ZNF704: variants seen among roughly 807,000 people sequenced by gnomAD.
ZNF704 encodes the protein zinc finger protein 704, also known as glucocorticoid induced gene 1.
ZNF704 carries 10 observed loss-of-function variants against 44.7 expected under a neutral mutation model. The ratio of observed to expected loss-of-function variants is 0.22; its 90% CI spans 0.14 to 0.38. The LOEUF is 0.38. Ranked by LOEUF, ZNF704 falls within the 10% of genes least tolerant of loss-of-function variation. The pLI is 1.00. For missense variants in ZNF704, 390 were observed against 545.5 expected (o/e 0.71, Z 2.84); for synonymous variants, 211 against 207.6 (o/e 1.02, Z -0.14).
intron 1 of ZNF704, among the ~76,000 whole-genome samples, chr8:80,866,162 A>G (rs569075142): frequency 6.6e-6 from 1 of 152,124 alleles, no homozygotes; most frequent in Non-Finnish European, 1.5e-5. Context: ...ACTTGGTTAC[A>G]GTTGTTTTAA....
At chr8:80,745,140 T>A (rs1250858871) in intron 2 of ZNF704, among the ~76,000 whole-genome samples, 1 of 152,200 alleles carries the variant, frequency 6.6e-6, no homozygotes, top group Admixed American at 6.6e-5. Context: ...TTCCTTAGTT[T>A]CGCTGTAAAT....
the ZNF704 span, among the ~76,000 whole-genome samples, chr8:80,879,785 A>G: frequency 1.3e-5 from 2 of 152,212 alleles, no homozygotes; most frequent in African/African-American, 4.8e-5. Flanking sequence ...ATAATTGTTC[A>G]ATCTAAGATG....
intron 4 of ZNF704, among the ~76,000 whole-genome samples, chr8:80,683,058 C>T (rs1818478706): frequency 2.0e-5 from 3 of 152,256 alleles, no homozygotes; most frequent in South Asian, 2.1e-4. Context: ...TTTGGCCTTC[C>T]ATAGAATTCA....
rs1809231332 is a variant in ZNF704, at chr8:80,870,366, C to T, written c.-22+4205G>A. 2.6e-5 allele frequency among the ~76,000 whole-genome samples: 4 copies of T among 152,190 alleles called. No individual in the cohort carries two copies. The South Asian group carries it at 8.3e-4, about 32-fold the overall frequency. On this transcript the variant is annotated intron_variant, in intron 1 of 8. Transcript: ENST00000327835. ...CCTCTTTGTTCTCCTTTCCAAAAAA[C>T]TTGTCAAAAGAGTTTTTCCTGTGTC...
At position 80,659,692 on chromosome 8, in the gene ZNF704, G is replaced by A. The variant is rs1182065221; in HGVS notation, c.928-3C>T. 1 of 1,611,312 alleles carries A rather than the reference G, an allele frequency of 6.2e-7. No homozygotes were observed. Among genetic ancestry groups the A allele is most frequent in the South Asian group, 1.1e-5 (1 of 90,800 alleles). Reference sequence around the variant, plus strand: ...GGAATGGTCACAGGGGGTGTGGCCTGTCAAATAAAAAACAGAGAAAGCTGT... The same window carrying A: ...GGAATGGTCACAGGGGGTGTGGCCTATCAAATAAAAAACAGAGAAAGCTGT... On this transcript the variant is annotated splice_polypyrimidine_tract_variant and splice_region_variant and intron_variant, in intron 6 of 8. Coordinates refer to ENST00000327835, the MANE Select transcript of ZNF704 (RefSeq NM_001033723.3).
intron 7 of ZNF704, among the ~76,000 whole-genome samples, chr8:80,648,342 A>C (rs1379600043): frequency 2.6e-5 from 4 of 152,300 alleles, no homozygotes; most frequent in Admixed American, 6.5e-5. Context: ...GACCCACTTC[A>C]AACTTCCATA....
rs534582753 is a variant in ZNF704, at chr8:80,631,346, G to A, written c.*10020C>T. On this transcript the variant is annotated 3_prime_UTR_variant, in exon 9 of 9. Transcript: ENST00000327835. ...AAAACATAGGAAGGGGGCTCCAGTG[G>A]AGTGAGGGACAAGTGCTTAACAACA... The A allele has an allele frequency of 1.3e-5, 2 of 152,302 alleles. No homozygotes were observed. Among genetic ancestry groups the A allele is most frequent in the Admixed American group, 1.3e-4 (2 of 15,306 alleles). The allele number at this position is 152,302 out of a possible 1,614,324, so 9.4% of individuals were successfully genotyped here.
chr8:80,656,129 C>T (rs1002916120), intron 7 of ZNF704, among the ~76,000 whole-genome samples: 3 of 152,202 alleles, frequency 2.0e-5, no homozygotes, highest in Non-Finnish European at 2.9e-5. Context: ...TTCCTCCATG[C>T]TTGCTCTCCC....
rs1292151635 is a variant in ZNF704, at chr8:80,836,947, A to AT, written c.-21-15333dup. Among the ~76,000 whole-genome samples, 1,409 of 146,872 alleles carry AT rather than the reference A, an allele frequency of 9.6e-3. 12 individuals are homozygous for AT. The highest frequency in any genetic ancestry group is 0.031 in the Middle Eastern group (9 of 288). Reference sequence around the variant, plus strand: ...TATTCGCTCCATGAAGATAACAGGCATTTTTTTTTTTGCTTTGGATACTGA... The same window carrying AT: ...TATTCGCTCCATGAAGATAACAGGCATTTTTTTTTTTTGCTTTGGATACTGA... On this transcript the variant is annotated intron_variant, in intron 1 of 8. Transcript: ENST00000327835.
intron 2 of ZNF704, among the ~76,000 whole-genome samples, chr8:80,750,078 T>C (rs775327877): frequency 6.6e-6 from 1 of 152,192 alleles, no homozygotes; most frequent in Middle Eastern, 3.2e-3. Flanking sequence ...GAACTCCTCC[T>C]GGATGGGCAA....
intron 2 of ZNF704, among the ~76,000 whole-genome samples, chr8:80,707,093 A>T (rs576651374): frequency 1.3e-5 from 2 of 152,298 alleles, no homozygotes; most frequent in South Asian, 2.1e-4. Flanking sequence ...TCACTCCCCC[A>T]TTTTATAAAC....
At chr8:80,666,010 T>A (rs371543980) in intron 5 of ZNF704, among the ~76,000 whole-genome samples, 115 of 152,068 alleles carry the variant, frequency 7.6e-4, no homozygotes, top group African/African-American at 2.7e-3. Context: ...CATGTGCACA[T>A]TGTGCAGGTT....
At chr8:80,731,118 T>C (rs1282276429) in intron 2 of ZNF704, among the ~76,000 whole-genome samples, 1 of 152,242 alleles carries the variant, frequency 6.6e-6, no homozygotes, top group Non-Finnish European at 1.5e-5. Context: ...CATCTGTCCC[T>C]ACCTGCATGA....
intron 2 of ZNF704, among the ~76,000 whole-genome samples, chr8:80,746,244 T>C (rs1585997718): frequency 6.6e-6 from 1 of 152,210 alleles, no homozygotes; most frequent in Admixed American, 6.5e-5. Flanking sequence ...ATAGGTTCAA[T>C]CGCCTTTTAT....
Position 80,639,059 on chromosome 8 carries a change from A to G in ZNF704, c.*2307T>C, listed in dbSNP as rs1554566331. The G allele has an allele frequency of 6.6e-6, 1 of 152,336 alleles. No homozygotes were observed. The highest frequency in any genetic ancestry group is 1.5e-5 in the Non-Finnish European group (1 of 68,140). The allele number at this position is 152,336 out of a possible 1,614,324, so 9.4% of individuals were successfully genotyped here. ...CGGGGCTTTGCTCCAGGACTGCTCC[A>G]TAGCAAAGATCTCTCCCTCCTTGTG... On this transcript the variant is annotated 3_prime_UTR_variant, in exon 9 of 9. Transcript: ENST00000327835.
Position 80,631,589 on chromosome 8 carries a change from C to A in ZNF704, c.*9777G>T, listed in dbSNP as rs1205123605. ...TGGAACCCAGCTCACATTCCTGGTT[C>A]TGATCACTCTATTAGCCTCGCACGT... On this transcript the variant is annotated 3_prime_UTR_variant, in exon 9 of 9. Coordinates refer to ENST00000327835, the MANE Select transcript of ZNF704 (RefSeq NM_001033723.3). The A allele has an allele frequency of 6.6e-6, 1 of 152,242 alleles. No individual in the cohort carries two copies. Among genetic ancestry groups the A allele is most frequent in the African/African-American group, 2.4e-5 (1 of 41,448 alleles). 9.4% of individuals were successfully genotyped at this position (152,242 alleles called of 1,614,324 possible).
chr8:80,697,979 C>G, intron 2 of ZNF704, among the ~76,000 whole-genome samples: 1 of 152,200 alleles, frequency 6.6e-6, no homozygotes, highest in Non-Finnish European at 1.5e-5. Context: ...CTAGAGTTTC[C>G]AGTCGGTGCT....
At chr8:80,871,002 C>G (rs1385962791) in intron 1 of ZNF704, among the ~76,000 whole-genome samples, 1 of 152,144 alleles carries the variant, frequency 6.6e-6, no homozygotes, top group African/African-American at 2.4e-5. Flanking sequence ...TGGATTCCTC[C>G]CTTTCCTTCA....
At chr8:80,660,513 A>C (rs1008252537) in intron 6 of ZNF704, among the ~76,000 whole-genome samples, 1 of 152,042 alleles carries the variant, frequency 6.6e-6, no homozygotes, top group African/African-American at 2.4e-5. Flanking sequence ...AATGCCCAGT[A>C]ATAGGGAAAA....
Sources: gnomAD v4.1 joint callset for allele counts (sites outside exome capture counted in the v4.1 genomes callset) on GRCh38, gnomAD v4.1.1 for gene constraint, MANE v1.5 for transcripts, NCBI Gene and HGNC (gene_info 2026-07-23, HGNC 2026-07-21) for gene names.